Variants in ZNF346 observed in about 807,000 individuals in gnomAD.
ZNF346 encodes zinc finger protein 346.
ZNF346 carries 23 observed loss-of-function variants against 33.7 expected under a neutral mutation model. That is an observed-to-expected ratio of 0.68 (90% CI 0.49 to 0.97). The LOEUF (loss-of-function observed/expected upper bound fraction) is 0.97, where lower values mean the gene tolerates loss of function less well. ZNF346 is among the 50% of genes least tolerant of loss of function. The probability of loss-of-function intolerance (pLI) is 0.00; values close to 1 mark genes in which losing one functional copy is unlikely to be tolerated. For synonymous variants in ZNF346, 134 were observed against 142.4 expected (o/e 0.94, Z 0.42); for missense variants, 340 against 371.1 (o/e 0.92, Z 0.69).
chr5:177,040,916 G>A (rs951276317), intron 1 of ZNF346, among the ~76,000 whole-genome samples: 4 of 152,036 alleles, frequency 2.6e-5, no homozygotes, highest in Non-Finnish European at 5.9e-5. Context: ...AAGAAAGTTG[G>A]CATACATAAA....
In ZNF346 at chr5:177,022,786, G is replaced by T; in HGVS notation, c.48G>T (p.Ala16=). The stretch of plus-strand genomic sequence containing the variant: ...CGGTGCAGGCCGCGGACGGCGGAGC[G>T]GCCGGGCCTTACAGCAGCTCGGAGT... ...PATVQAADGG[A]AGPYSSSELL... is the part of the protein sequence containing the mutation. Residue 16 remains alanine (A), a synonymous_variant, in exon 1 of 7, where the codon GCG becomes GCT. Transcript: ENST00000358149. 6.5e-7 allele frequency: 1 copy of T among 1,549,114 alleles called. No individual in the cohort carries two copies. Among genetic ancestry groups the T allele is most frequent in the Non-Finnish European group, 8.7e-7 (1 of 1,149,048 alleles).
At chr5:177,034,730 T>C (rs1054977811) in intron 1 of ZNF346, among the ~76,000 whole-genome samples, 1 of 152,218 alleles carries the variant, frequency 6.6e-6, no homozygotes, top group Non-Finnish European at 1.5e-5. Flanking sequence ...GGATGTAGAA[T>C]GCAGAAATGC....
chr5:177,041,738 G>A (rs764260124), intron 2 of ZNF346, 40 bp from the exon 3 acceptor site: 18 of 1,287,172 alleles, frequency 1.4e-5, no homozygotes, highest in East Asian at 2.3e-5. Context: ...GTATGAAGTA[G>A]CATTTGGCTA....
At chr5:177,079,013 A>G (rs953131461) in intron 8 of ZNF346, among the ~76,000 whole-genome samples, 6 of 148,614 alleles carry the variant, frequency 4.0e-5, no homozygotes, top group South Asian at 4.3e-4. Flanking sequence ...GCTCACGCCT[A>G]TAATCCCAGC....
At chr5:177,076,130 C>T (rs1783734523) in intron 8 of ZNF346, among the ~76,000 whole-genome samples, 1 of 152,188 alleles carries the variant, frequency 6.6e-6, no homozygotes, top group Non-Finnish European at 1.5e-5. Flanking sequence ...TCACTTTTAA[C>T]TAATAGAATA....
downstream of ZNF346, among the ~76,000 whole-genome samples, chr5:177,071,684 CA>C (rs1188659810): frequency 9.3e-4 from 128 of 138,222 alleles, no homozygotes; most frequent in Admixed American, 1.3e-3. Context: ...GACTCTGTCT[CA>C]AAAAAAAAAA....
chr5:177,074,774 G>A (rs1783663991), intron 8 of ZNF346, among the ~76,000 whole-genome samples: 2 of 152,160 alleles, frequency 1.3e-5, no homozygotes, highest in Non-Finnish European at 2.9e-5. Context: ...GTCAGACAGA[G>A]GAGGGATTCC....
chr5:177,079,602 T>C (rs1783902674), exon 9 of ZNF346: 1 of 152,214 alleles, frequency 6.6e-6, no homozygotes, highest in African/African-American at 2.4e-5. Context: ...GACGTGGGGC[T>C]AAGTGAGAGA....
At chr5:177,078,811 T>G (rs192806328) in intron 8 of ZNF346, among the ~76,000 whole-genome samples, 64 of 152,098 alleles carry the variant, frequency 4.2e-4, no homozygotes, top group Non-Finnish European at 7.8e-4. Context: ...CTTGGAAGGC[T>G]GAGGCAGGAG....
intron 1 of ZNF346, among the ~76,000 whole-genome samples, chr5:177,032,427 T>G (rs1777861528): frequency 6.6e-6 from 1 of 151,906 alleles, no homozygotes; most frequent in Admixed American, 6.6e-5. Flanking sequence ...TTTTTTTTTT[T>G]GAGACAGAGT....
intron 1 of ZNF346, among the ~76,000 whole-genome samples, chr5:177,037,967 C>T: frequency 6.6e-6 from 1 of 152,170 alleles, no homozygotes. Flanking sequence ...GGCTTCTCTC[C>T]ATTCTTTGAA....
At chr5:177,052,996 A>G (rs553994655) in intron 5 of ZNF346, 1 of 152,118 alleles carries the variant, frequency 6.6e-6, no homozygotes, top group African/African-American at 2.4e-5. Flanking sequence ...TAAAGGATGA[A>G]TTCCTTGTTT....
downstream of ZNF346, among the ~76,000 whole-genome samples, chr5:177,071,045 T>A (rs1783475302): frequency 6.6e-6 from 1 of 152,002 alleles, no homozygotes; most frequent in Non-Finnish European, 1.5e-5. Flanking sequence ...CAGACACAGA[T>A]CTAGACATGT....
At position 177,028,707 on chromosome 5, in the gene ZNF346, C is replaced by CTTTTTT. The variant is rs56172509; in HGVS notation, c.175+5817_175+5822dup. Among the ~76,000 whole-genome samples the CTTTTTT allele has an allele frequency of 1.1e-3, 73 of 67,396 alleles. 1 individual carries two copies. Among genetic ancestry groups the CTTTTTT allele is most frequent in the Non-Finnish European group, 1.8e-3 (62 of 34,012 alleles). The allele number at this position is 67,396 out of a possible 152,430, so 44.2% of individuals were successfully genotyped here. ...TTTGTTATTTATAACAAGCCCCTTT[C>CTTTTTT]TTTTTTTTTTTTTTTTTTTTTTTTT... is the stretch of plus-strand genomic sequence containing the variant. On this transcript the variant is annotated intron_variant, in intron 1 of 6. Coordinates refer to ENST00000358149, the MANE Select transcript of ZNF346 (RefSeq NM_012279.4).
intron 5 of ZNF346, among the ~76,000 whole-genome samples, chr5:177,053,845 C>A (rs1239013547): frequency 1.3e-5 from 2 of 152,072 alleles, no homozygotes; most frequent in Non-Finnish European, 2.9e-5. Flanking sequence ...CGTTTCAAAA[C>A]CCCCCATGGA....
At chr5:177,035,973 T>TC (rs1778449538) in intron 1 of ZNF346, among the ~76,000 whole-genome samples, 1 of 151,760 alleles carries the variant, frequency 6.6e-6, no homozygotes. Flanking sequence ...TTTTTTTTTT[T>TC]CCCTCTGTGG....
chr5:177,037,036 C>T (rs1778605913), intron 1 of ZNF346, among the ~76,000 whole-genome samples: 2 of 152,126 alleles, frequency 1.3e-5, no homozygotes, highest in Admixed American at 1.3e-4. Context: ...CACAAAATTG[C>T]TCTCGGATTG....
chr5:177,029,167 G>A (rs1248292525), intron 1 of ZNF346, among the ~76,000 whole-genome samples: 2 of 152,142 alleles, frequency 1.3e-5, no homozygotes, highest in Non-Finnish European at 2.9e-5. Context: ...CCCATCTTGA[G>A]AGGGTAGAAA....
chr5:177,055,389 C>T (rs1030912642), intron 5 of ZNF346, among the ~76,000 whole-genome samples: 8 of 151,864 alleles, frequency 5.3e-5, no homozygotes, highest in African/African-American at 1.9e-4. Context: ...ATTTTGGGCA[C>T]TAAAAGAACT....
Sources: allele counts gnomAD v4.1 joint callset (sites outside exome capture counted in the v4.1 genomes callset), GRCh38; gene constraint gnomAD v4.1.1; transcripts MANE v1.5; gene names NCBI Gene and HGNC (gene_info 2026-07-23, HGNC 2026-07-21).